The following TXNDC12 variants were observed in gnomAD, a reference collection of about 807,000 sequenced individuals.
TXNDC12 encodes the protein thioredoxin domain-containing protein 12.
A neutral mutation model predicts 24.2 loss-of-function variants in TXNDC12; 22 were observed. The observed-to-expected ratio is 0.91, with a 90% confidence interval of 0.65 to 1.30. TXNDC12 has a LOEUF of 1.30. TXNDC12 is among the 50% of genes most tolerant of loss of function. The pLI is 0.00. For missense variants in TXNDC12, 184 were observed against 205.8 expected (o/e 0.89, Z 0.65); for synonymous variants, 58 against 73.4 (o/e 0.79, Z 1.07).
intron 2 of TXNDC12, among the ~76,000 whole-genome samples, chr1:52,041,312 G>A (rs1159109261): frequency 1.1e-4 from 16 of 150,984 alleles, no homozygotes; most frequent in Non-Finnish European, 4.4e-5. Flanking sequence ...CAGCCTGGGC[G>A]AGAGAGTGAG....
At chr1:52,025,447 T>G (rs553086754) in intron 4 of TXNDC12, among the ~76,000 whole-genome samples, 91 of 152,338 alleles carry the variant, frequency 6.0e-4, no homozygotes, top group Middle Eastern at 3.4e-3. Context: ...CTCAATCTCC[T>G]GACCTTGTGA....
chr1:52,023,621 C>T (rs372908867), intron 5 of TXNDC12, 47 bp from the exon 6 acceptor site: 1 of 1,457,400 alleles, frequency 6.9e-7, no homozygotes, highest in Non-Finnish European at 9.6e-7. Context: ...TTACAACAGA[C>T]AGGTACTTCA....
chr1:52,049,704 AT>A (rs34937659), intron 1 of TXNDC12, among the ~76,000 whole-genome samples: 331 of 143,466 alleles, frequency 2.3e-3, no homozygotes, highest in Non-Finnish European at 2.5e-3. Context: ...AAGCAATTGC[AT>A]TTTTTTTTTT....
intron 2 of TXNDC12, chr1:52,034,107 A>T: frequency 8.3e-7 from 1 of 1,209,954 alleles, no homozygotes; most frequent in Non-Finnish European, 1.0e-6. Context: ...TATAGAAGGC[A>T]ATTAATAAAT....
At chr1:52,055,310 A>AGAAG (rs1030552099), upstream of TXNDC12, 15 of 532,936 alleles carry the variant, frequency 2.8e-5, no homozygotes, top group African/African-American at 2.3e-4. Flanking sequence ...CAGATCACGT[A>AGAAG]GAAGGGTACG....
intron 1 of TXNDC12, among the ~76,000 whole-genome samples, chr1:52,054,456 C>G (rs1284885777): frequency 6.6e-6 from 1 of 151,882 alleles, no homozygotes; most frequent in East Asian, 1.9e-4. Context: ...TGAACCACAG[C>G]AAGGACAATT....
At chr1:52,043,587 TTA>T (rs1476221289) in intron 1 of TXNDC12, among the ~76,000 whole-genome samples, 11 of 152,334 alleles carry the variant, frequency 7.2e-5, no homozygotes, top group Admixed American at 2.0e-4. Context: ...CATAAAATAA[TTA>T]TATCTCATAA....
intron 4 of TXNDC12, among the ~76,000 whole-genome samples, chr1:52,024,988 C>T (rs1685652408): frequency 6.6e-6 from 1 of 152,216 alleles, no homozygotes; most frequent in African/African-American, 2.4e-5. Context: ...TTAGCCCTAG[C>T]ATTTACCACC....
rs1685707510 is a variant in TXNDC12 at position 52,028,582 on chromosome 1, G to C, written c.207C>G (p.Cys69Trp). The C allele has an allele frequency of 6.2e-6, 10 of 1,611,920 alleles. No homozygotes were observed. The highest frequency in any genetic ancestry group is 8.5e-6 in the Non-Finnish European group (10 of 1,179,316). Residue 69 changes from cysteine to tryptophan, a missense_variant, in exon 3 of 7, where the codon TGC becomes TGG. Coordinates refer to ENST00000371626, the MANE Select transcript of TXNDC12 (RefSeq NM_015913.4). The part of the protein sequence containing the change: ...VIIHKSWCGA[C>W]KALKPKFAES... Reference sequence around the variant, plus strand: ...AGATTGAGCATTTGCACTTACCTTTGCAAGCTCCACACCAGGATTTATGAA... The same window carrying C: ...AGATTGAGCATTTGCACTTACCTTTCCAAGCTCCACACCAGGATTTATGAA...
intron 1 of TXNDC12, among the ~76,000 whole-genome samples, chr1:52,051,299 T>C (rs759996420): frequency 1.2e-4 from 18 of 152,310 alleles, no homozygotes; most frequent in South Asian, 2.1e-4. Context: ...AGTACAACTT[T>C]CTCATTGATT....
intron 1 of TXNDC12, among the ~76,000 whole-genome samples, chr1:52,046,545 CA>C (rs1342447919): frequency 6.6e-6 from 1 of 152,050 alleles, no homozygotes; most frequent in Non-Finnish European, 1.5e-5. Context: ...CAAGACAGTC[CA>C]AGGAGAAAAA....
intron 1 of TXNDC12, among the ~76,000 whole-genome samples, chr1:52,054,410 A>G (rs1452792154): frequency 6.6e-6 from 1 of 152,230 alleles, no homozygotes; most frequent in Non-Finnish European, 1.5e-5. Context: ...ACCTCCATTC[A>G]TAACCACTGA....
intron 2 of TXNDC12, among the ~76,000 whole-genome samples, chr1:52,035,743 C>T (rs1685869707): frequency 6.6e-6 from 1 of 152,078 alleles, no homozygotes; most frequent in Non-Finnish European, 1.5e-5. Flanking sequence ...CAGACCAGTG[C>T]TTAGCTTTCC....
chr1:52,026,753 T>G (rs1455138944), intron 4 of TXNDC12, among the ~76,000 whole-genome samples: 1 of 151,704 alleles, frequency 6.6e-6, no homozygotes, highest in African/African-American at 2.4e-5. Context: ...ATACAAAAAT[T>G]GGCCAAACGC....
intron 2 of TXNDC12, chr1:52,032,833 G>A (rs1269331723): frequency 1.9e-6 from 3 of 1,614,216 alleles, no homozygotes; most frequent in Admixed American, 3.3e-5. Flanking sequence ...CAAGGGCCGG[G>A]TAAACCGCAA....
intron 1 of TXNDC12, among the ~76,000 whole-genome samples, chr1:52,051,257 T>C (rs1184099184): frequency 6.6e-6 from 1 of 152,230 alleles, no homozygotes; most frequent in Non-Finnish European, 1.5e-5. Flanking sequence ...TATAGAACGT[T>C]AGAGCTGGAA....
chr1:52,027,247 C>G, intron 4 of TXNDC12, 28 bp downstream of exon 4: 1 of 1,534,830 alleles, frequency 6.5e-7, no homozygotes, highest in Non-Finnish European at 9.0e-7. Flanking sequence ...AAAATCATAG[C>G]AGAAAGGAGA....
At chr1:52,056,040 C>T (rs1686337592), upstream of TXNDC12, 1 of 152,156 alleles carries the variant, frequency 6.6e-6, no homozygotes, top group Admixed American at 6.5e-5. Flanking sequence ...AAAGTACACA[C>T]CCAAATAAAA....
At chr1:52,041,959 G>T (rs1686001857) in intron 1 of TXNDC12, among the ~76,000 whole-genome samples, 1 of 152,212 alleles carries the variant, frequency 6.6e-6, no homozygotes, top group African/African-American at 2.4e-5. Flanking sequence ...CCAATTGAAG[G>T]TGATTCAGCA....
Sources: gnomAD v4.1 joint callset for allele counts (sites outside exome capture counted in the v4.1 genomes callset) on GRCh38, gnomAD v4.1.1 for gene constraint, MANE v1.5 for transcripts, NCBI Gene and HGNC (gene_info 2026-07-23, HGNC 2026-07-21) for gene names.